Variants in SIRT1 observed in about 807,000 individuals in gnomAD.
SIRT1 encodes sirtuin 1, also known as NAD-dependent protein deacetylase sirtuin-1.
In SIRT1, 24 loss-of-function variants were observed where a neutral mutation model predicts 67.9. The observed-to-expected ratio is 0.35, with a 90% CI of 0.26 to 0.50. The LOEUF is 0.50. Among genes scored for constraint, SIRT1 ranks in the 20% least tolerant of loss-of-function variants. The probability of loss-of-function intolerance (pLI) is 0.98; values close to 1 mark genes in which losing one functional copy is unlikely to be tolerated. For synonymous variants in SIRT1, 378 were observed against 350.7 expected, an observed-to-expected ratio of 1.08 and a Z score of -0.87; for missense variants, 873 against 937.2, an observed-to-expected ratio of 0.93 and a Z score of 0.89.
At position 67,917,778 on chromosome 10, in the gene SIRT1, ATTTATC is replaced by A. The variant is rs1268175445; in HGVS notation, c.*1191_*1196del. 2 of 152,600 alleles carry A rather than the reference ATTTATC, an allele frequency of 1.3e-5. No individual in the cohort carries two copies. Among genetic ancestry groups the A allele is most frequent in the African/African-American group, 2.4e-5 (1 of 41,444 alleles). The allele number at this position is 152,600 out of a possible 1,614,324, so 9.5% of individuals were successfully genotyped here. A position where few individuals can be genotyped will look rare whatever the true frequency, so the allele number is the denominator to read the frequency against. On this transcript the variant is annotated 3_prime_UTR_variant, in exon 9 of 9. Coordinates refer to ENST00000212015, the MANE Select transcript of SIRT1 (RefSeq NM_012238.5). ...TTAATGAATGAAACTAGTTCTTATA[ATTTATC>A]TTTATTTAAAAGCTTAGCCTGCCTT...
intron 1 of SIRT1, chr10:67,885,488 CT>C: frequency 1.1e-6 from 1 of 948,012 alleles, no homozygotes; most frequent in Non-Finnish European, 1.3e-6. Context: ...CTTTTTTTTT[CT>C]TTTTCTTTAT....
chr10:67,902,634 G>T (rs1221791126), intron 4 of SIRT1, among the ~76,000 whole-genome samples: 1 of 152,162 alleles, frequency 6.6e-6, no homozygotes, highest in African/African-American at 2.4e-5. Context: ...TCCTTAGCAG[G>T]ATTGATGCAT....
Position 67,887,442 on chromosome 10 carries a change from T to G in SIRT1, c.456T>G (p.Ile152Met). ...ATAACCTTCTGTTCGGTGATGAAAT[T>G]ATCACTAATGGTTTTCATTCCTGTG... is the stretch of plus-strand genomic sequence containing the variant. Reference protein sequence around the residue: ...YRDNLLFGDEIITNGFHSCES... With the variant: ...YRDNLLFGDEMITNGFHSCES... The change falls in exon 2 of 9, where the codon ATT becomes ATG. Residue 152 changes from isoleucine to methionine, a missense_variant. Coordinates refer to ENST00000212015, the MANE Select transcript of SIRT1 (RefSeq NM_012238.5). The G allele has an allele frequency of 1.9e-6, 3 of 1,613,576 alleles. No individual in the cohort carries two copies. Among genetic ancestry groups the G allele is most frequent in the Non-Finnish European group, 2.5e-6 (3 of 1,179,580 alleles).
rs754385316 is a variant in SIRT1, at chr10:67,891,570, C to G, written c.942+16C>G. On this transcript the variant is annotated intron_variant, in intron 4 of 8. Transcript: ENST00000212015. The stretch of plus-strand genomic sequence containing the variant: ...GTTTGCAAAGGTACTATGAACTCTT[C>G]TGGTTGTTTCTTTGGCCTTCTCTCA... The G allele has an allele frequency of 6.2e-7, 1 of 1,611,946 alleles. No homozygotes were observed. The highest frequency in any genetic ancestry group is 8.5e-7 in the Non-Finnish European group (1 of 1,178,796).
At chr10:67,909,987 C>T (rs1420725667) in intron 7 of SIRT1, among the ~76,000 whole-genome samples, 2 of 152,132 alleles carry the variant, frequency 1.3e-5, no homozygotes, top group Non-Finnish European at 2.9e-5. Flanking sequence ...GCTAGGATTA[C>T]AGGCACGAGC....
At chr10:67,901,771 C>T (rs1343582228) in intron 4 of SIRT1, among the ~76,000 whole-genome samples, 1 of 152,154 alleles carries the variant, frequency 6.6e-6, no homozygotes, top group Non-Finnish European at 1.5e-5. Context: ...GTGGCCCACT[C>T]CATGTTTTTG....
At chr10:67,891,878 T>C (rs568868179) in intron 4 of SIRT1, among the ~76,000 whole-genome samples, 1 of 152,368 alleles carries the variant, frequency 6.6e-6, no homozygotes, top group African/African-American at 2.4e-5. Context: ...ATTTTTAATA[T>C]TTTATTAGAG....
chr10:67,898,767 T>G (rs1178525915), intron 4 of SIRT1, among the ~76,000 whole-genome samples: 1 of 152,018 alleles, frequency 6.6e-6, no homozygotes, highest in Admixed American at 6.6e-5. Context: ...ACCAAAGAGT[T>G]TGAGGCTGCA....
chr10:67,894,518 A>T (rs1441914112), intron 4 of SIRT1, among the ~76,000 whole-genome samples: 1 of 152,162 alleles, frequency 6.6e-6, no homozygotes, highest in African/African-American at 2.4e-5. Flanking sequence ...TGGCATTTAT[A>T]AAATCTCCAC....
chr10:67,888,861 GC>G lies in SIRT1; in HGVS notation c.548-19del. On this transcript the variant is annotated intron_variant, in intron 2 of 8. Transcript: ENST00000212015. ...GAATTACTTGATAAGTTGACTTTAA[GC>G]CTTTTCCCCCTTATTGTAGGTCCAT... The G allele has an allele frequency of 6.4e-7, 1 of 1,573,484 alleles. No homozygotes were observed. Among genetic ancestry groups the G allele is most frequent in the Non-Finnish European group, 8.6e-7 (1 of 1,156,386 alleles).
At chr10:67,900,635 A>G (rs1009235739) in intron 4 of SIRT1, among the ~76,000 whole-genome samples, 2 of 151,714 alleles carry the variant, frequency 1.3e-5, no homozygotes, top group Non-Finnish European at 2.9e-5. Flanking sequence ...TTATATGGAC[A>G]GTCTTGCTAT....
chr10:67,907,259 C>T (rs1385019565), intron 5 of SIRT1, among the ~76,000 whole-genome samples: 1 of 152,242 alleles, frequency 6.6e-6, no homozygotes, highest in South Asian at 2.1e-4. Flanking sequence ...CTTTGGGAAG[C>T]CGAGGCGGGC....
chr10:67,887,863 A>G (rs1842510373), intron 2 of SIRT1, among the ~76,000 whole-genome samples: 4 of 152,220 alleles, frequency 2.6e-5, no homozygotes, highest in Admixed American at 2.6e-4. Flanking sequence ...GGCATGTGCC[A>G]CCTTGCCCCA....
intron 3 of SIRT1, among the ~76,000 whole-genome samples, chr10:67,889,385 C>T (rs547994854): frequency 6.6e-6 from 1 of 152,282 alleles, no homozygotes; most frequent in South Asian, 2.1e-4. Flanking sequence ...TACATTATAT[C>T]ATAGCTCCTA....
rs183122657 is a variant in SIRT1 at position 67,900,422 on chromosome 10, G to A, written c.943-6368G>A. ...GGCCTCCCAAAGTGCTGGGTTTATA[G>A]GTGTGAGCCGCCGCGCTTGGCTCAA... On this transcript the variant is annotated intron_variant, in intron 4 of 8. Coordinates refer to ENST00000212015, the MANE Select transcript of SIRT1 (RefSeq NM_012238.5). Among the ~76,000 whole-genome samples, 113 of 152,220 alleles carry A rather than the reference G, an allele frequency of 7.4e-4. 1 individual carries two copies. Among genetic ancestry groups the A allele is most frequent in the Admixed American group, 1.6e-3 (25 of 15,276 alleles).
At chr10:67,891,303 TTC>T in intron 3 of SIRT1, 97 bp from the exon 4 acceptor site, 1 of 1,049,086 alleles carries the variant, frequency 9.5e-7, no homozygotes, top group Non-Finnish European at 1.4e-6. Flanking sequence ...GACTAAAATT[TTC>T]TTTCTCAACT....
At chr10:67,898,616 T>C (rs995093188) in intron 4 of SIRT1, among the ~76,000 whole-genome samples, 1 of 152,216 alleles carries the variant, frequency 6.6e-6, no homozygotes, top group Non-Finnish European at 1.5e-5. Context: ...AACATGTATA[T>C]GGATTATATA....
At position 67,890,509 on chromosome 10, in the gene SIRT1, C is replaced by T. The variant is rs149440458; in HGVS notation, c.790-893C>T. Among the ~76,000 whole-genome samples the T allele has an allele frequency of 8.5e-5, 13 of 152,126 alleles. No individual in the cohort carries two copies. The East Asian group carries it at 2.5e-3, about 29-fold the overall frequency. On this transcript the variant is annotated intron_variant, in intron 3 of 8. Transcript: ENST00000212015. Reference sequence around the variant, plus strand: ...CATGTAATTCCAGCACTTTGGGAGGCTAAAGTGGGAGGATCACTTGAGCCC... The same window carrying T: ...CATGTAATTCCAGCACTTTGGGAGGTTAAAGTGGGAGGATCACTTGAGCCC...
intron 4 of SIRT1, among the ~76,000 whole-genome samples, chr10:67,897,990 G>C (rs1394798862): frequency 7.2e-6 from 1 of 139,494 alleles, no homozygotes; most frequent in Non-Finnish European, 1.5e-5. Context: ...CTGTTGTTCG[G>C]CTGGGCGTGG....
Sources: allele counts gnomAD v4.1 joint callset (sites outside exome capture counted in the v4.1 genomes callset), GRCh38; gene constraint gnomAD v4.1.1; transcripts MANE v1.5; gene names NCBI Gene and HGNC (gene_info 2026-07-23, HGNC 2026-07-21).